DNAAF5: variants seen among roughly 807,000 people sequenced by gnomAD.
The protein encoded by DNAAF5 is HEAT repeat containing 2.
DNAAF5 carries 64 observed loss-of-function variants against 75.8 expected under a neutral mutation model. The ratio of observed to expected loss-of-function variants is 0.84; its 90% confidence interval spans 0.69 to 1.04. The LOEUF is 1.04. Among genes scored for constraint, DNAAF5 ranks in the 50% least tolerant of loss-of-function variants. The pLI is 0.00. For synonymous variants in DNAAF5, 657 were observed against 557.2 expected (o/e 1.18, Z -2.52); for missense variants, 1,269 against 1,178.5 (o/e 1.08, Z -1.12).
rs1025774542 is a variant in DNAAF5 at position 754,381 on chromosome 7, C to G, written c.1025-208C>G. On this transcript the variant is annotated intron_variant, in intron 4 of 12. Transcript: ENST00000297440. The surrounding 1 kb of genome is among the most constrained non-coding windows in gnomAD (Gnocchi z 4.8). The stretch of plus-strand genomic sequence containing the variant: ...GCTCTAGTGATCCACCTGCCTTGGC[C>G]TCCACAGGGCTAGGACTGCAGCCGT... Among the ~76,000 whole-genome samples the G allele has an allele frequency of 2.0e-5, 3 of 152,156 alleles. No individual in the cohort carries two copies. Among genetic ancestry groups the G allele is most frequent in the African/African-American group, 7.2e-5 (3 of 41,432 alleles).
At chr7:743,391 A>G (rs1051759236) in intron 4 of DNAAF5, among the ~76,000 whole-genome samples, 10 of 150,428 alleles carry the variant, frequency 6.6e-5, no homozygotes, top group Non-Finnish European at 1.2e-4. Context: ...ACAAACAAAC[A>G]AAAAACAGTT....
intron 2 of DNAAF5, among the ~76,000 whole-genome samples, chr7:730,778 G>A (rs1781538370): frequency 6.8e-6 from 1 of 147,820 alleles, no homozygotes; most frequent in Non-Finnish European, 1.5e-5. Flanking sequence ...CAGAGACACA[G>A]GGGGACCCTT....
In DNAAF5 at chr7:745,723, C is replaced by T. The variant is rs79132593; in HGVS notation, c.1024+4258C>T. ...CGTGTGTACATGCATATCACACGTACGTGTGTGTGCACATACATGTACACA... is the reference window on the plus strand; with the variant it reads ...CGTGTGTACATGCATATCACACGTATGTGTGTGTGCACATACATGTACACA... On this transcript the variant is annotated intron_variant, in intron 4 of 12. Transcript: ENST00000297440. 3.8e-3 allele frequency among the ~76,000 whole-genome samples: 578 copies of T among 152,346 alleles called. 5 individuals carry two copies. The highest frequency in any genetic ancestry group is 0.012 in the African/African-American group (502 of 41,584).
Position 774,142 on chromosome 7 carries a change from G to T in DNAAF5, c.2026G>T (p.Ala676Ser), listed in dbSNP as rs745804643. Reference protein sequence around the residue: ...AGRTAAAIRTAAVSCLWALTS... With the variant: ...AGRTAAAIRTSAVSCLWALTS... ...GAGGACAGCCGCGGCCATCCGCACG[G>T]CTGCCGTGTCCTGCCTCTGGGCGCT... The change falls in exon 10 of 13, where the codon GCT becomes TCT. Residue 676 changes from alanine to serine, a missense_variant. Coordinates refer to ENST00000297440, the MANE Select transcript of DNAAF5 (RefSeq NM_017802.4). 6.2e-7 allele frequency: 1 copy of T among 1,612,170 alleles called. No homozygotes were observed. The highest frequency in any genetic ancestry group is 1.7e-5 in the Admixed American group (1 of 60,020).
chr7:760,900 T>C (rs938701471), intron 6 of DNAAF5, among the ~76,000 whole-genome samples: 11 of 152,236 alleles, frequency 7.2e-5, no homozygotes, highest in African/African-American at 1.9e-4. Flanking sequence ...CTTGGTGTTA[T>C]AGAAAAGCTC....
chr7:764,445 A>G (rs112452291), intron 8 of DNAAF5, among the ~76,000 whole-genome samples: 2,460 of 152,296 alleles, frequency 0.016, 71 homozygotes, highest in African/African-American at 0.052. Context: ...GCGCGGGGCA[A>G]GATCCACTGC....
intron 8 of DNAAF5, chr7:769,198 G>T (rs140560123): frequency 1.3e-6 from 1 of 773,276 alleles, no homozygotes; most frequent in Non-Finnish European, 2.4e-6. Context: ...CCCCAGCAAC[G>T]GCTCAAGGTG....
At chr7:765,505 A>G (rs903010325) in intron 8 of DNAAF5, among the ~76,000 whole-genome samples, 1 of 152,034 alleles carries the variant, frequency 6.6e-6, no homozygotes, top group Non-Finnish European at 1.5e-5. Context: ...CAGGACTTGC[A>G]TTTACTGCAG....
chr7:729,812 C>G lies in DNAAF5; in HGVS notation c.745C>G (p.His249Asp). Reference protein sequence around the residue: ...NGKSVDDVLSHFAQRLFDDVP... With the variant: ...NGKSVDDVLSDFAQRLFDDVP... ...GAAGTCCGTGGACGACGTGCTTTCC[C>G]ATTTTGCTCAGCGACTGTTTGATGA... The change falls in exon 2 of 13, where the codon CAT becomes GAT. Residue 249 changes from histidine (H) to aspartate (D), a missense_variant. Physicochemically the swap from His to Asp is moderately conservative, Grantham distance 81 (BLOSUM62 -1). Coordinates refer to ENST00000297440, the MANE Select transcript of DNAAF5 (RefSeq NM_017802.4). 6.2e-7 allele frequency: 1 copy of G among 1,614,212 alleles called. No individual in the cohort carries two copies. Among genetic ancestry groups the G allele is most frequent in the Non-Finnish European group, 8.5e-7 (1 of 1,180,036 alleles).
At chr7:783,835 C>T (rs1359742350) in intron 12 of DNAAF5, among the ~76,000 whole-genome samples, 1 of 152,186 alleles carries the variant, frequency 6.6e-6, no homozygotes, top group African/African-American at 2.4e-5. Flanking sequence ...GCCTCAGCCT[C>T]ACTCGTCCTC....
chr7:727,958 A>G (rs577980695), intron 1 of DNAAF5, among the ~76,000 whole-genome samples: 9 of 151,680 alleles, frequency 5.9e-5, no homozygotes, highest in African/African-American at 2.2e-4. Context: ...GGGGGCTTGC[A>G]GGACTTGCAC....
chr7:731,928 A>G (rs1325120178), intron 2 of DNAAF5, among the ~76,000 whole-genome samples: 2 of 152,010 alleles, frequency 1.3e-5, no homozygotes, highest in African/African-American at 2.4e-5. Flanking sequence ...CACCCCCTCA[A>G]CAACCCAGGG....
chr7:768,895 G>A, intron 8 of DNAAF5: 1 of 514,420 alleles, frequency 1.9e-6, no homozygotes, highest in East Asian at 3.0e-5. Flanking sequence ...TCAGAAACTG[G>A]GTCAGAAGCA....
At chr7:758,579 G>GT (rs1439320027) in intron 6 of DNAAF5, among the ~76,000 whole-genome samples, 1 of 152,178 alleles carries the variant, frequency 6.6e-6, no homozygotes, top group Non-Finnish European at 1.5e-5. Flanking sequence ...CTCCTTTCTT[G>GT]TTTTTATTTT....
At chr7:762,643 T>G (rs568184012) in intron 7 of DNAAF5, among the ~76,000 whole-genome samples, 36 of 151,596 alleles carry the variant, frequency 2.4e-4, no homozygotes, top group Non-Finnish European at 4.0e-4. Context: ...CAGTGGAGTC[T>G]CGCTCTGTCA....
At chr7:779,765 C>T (rs1778874225) in intron 11 of DNAAF5, 188 bp from the exon 12 acceptor site, 1 of 583,150 alleles carries the variant, frequency 1.7e-6, no homozygotes. Context: ...GGCTGGGGTT[C>T]AGGGGTCCCA....
At chr7:761,280 A>G (rs1176544878) in intron 6 of DNAAF5, among the ~76,000 whole-genome samples, 2 of 152,206 alleles carry the variant, frequency 1.3e-5, no homozygotes, top group African/African-American at 2.4e-5. Flanking sequence ...GGGCTCTCCC[A>G]TGGCTGCTGC....
Position 727,066 on chromosome 7 carries a change from C to T in DNAAF5, c.346C>T (p.Arg116Cys), listed in dbSNP as rs1228436444. 8 of 1,055,536 alleles carry T rather than the reference C, an allele frequency of 7.6e-6. No homozygotes were observed. Among genetic ancestry groups the T allele is most frequent in the Middle Eastern group, 4.3e-4 (1 of 2,332 alleles). The allele number at this position is 1,055,536 out of a possible 1,614,324, so 65.4% of individuals were successfully genotyped here. ...RAARPRDALPRLLPALAARLA... is the reference protein window; with the variant it reads ...RAARPRDALPCLLPALAARLA... ...CGCGCGGCCCCGCGATGCCCTGCCGCGCCTGCTGCCCGCGCTCGCCGCGCG... is the reference window on the plus strand; with the variant it reads ...CGCGCGGCCCCGCGATGCCCTGCCGTGCCTGCTGCCCGCGCTCGCCGCGCG... Residue 116 changes from arginine (R) to cysteine (C), a missense_variant, in exon 1 of 13, where the codon CGC (arginine) becomes TGC (cysteine). Arg to Cys is a radical substitution (Grantham distance 180). Transcript: ENST00000297440.
chr7:729,256 G>T (rs752338449), intron 1 of DNAAF5, among the ~76,000 whole-genome samples: 1 of 152,216 alleles, frequency 6.6e-6, no homozygotes, highest in Non-Finnish European at 1.5e-5. Flanking sequence ...TCTCGTCTCA[G>T]GTGGGGCTGG....
Sources: gnomAD v4.1 joint callset for allele counts (sites outside exome capture counted in the v4.1 genomes callset) on GRCh38, gnomAD v4.1.1 for gene constraint, Gnocchi (gnomAD v3.1) non-coding constraint, MANE v1.5 for transcripts, NCBI Gene and HGNC (gene_info 2026-07-23, HGNC 2026-07-21) for gene names.